The following OASL variants were observed in gnomAD, a reference collection of about 807,000 sequenced individuals.
OASL encodes 2'-5'-oligoadenylate synthase-like protein.
Under a neutral mutation model 35.3 loss-of-function variants are expected in OASL, and 28 were observed. That is an observed-to-expected ratio of 0.79 (90% confidence interval 0.59 to 1.09). The LOEUF (loss-of-function observed/expected upper bound fraction) is 1.09, where lower values mean the gene tolerates loss of function less well. Ranked by LOEUF, OASL falls within the 50% of genes least tolerant of loss-of-function variation. OASL has a pLI of 0.00. For missense variants in OASL, 620 were observed against 635.2 expected, an observed-to-expected ratio of 0.98 and a Z score of 0.26; for synonymous variants, 252 against 254.6, an observed-to-expected ratio of 0.99 and a Z score of 0.10.
At chr12:121,024,177 T>C in intron 4 of OASL, 40 bp from the exon 5 acceptor site, 2 of 1,598,088 alleles carry the variant, frequency 1.3e-6, no homozygotes, top group Non-Finnish European at 1.7e-6. Flanking sequence ...CATAATGGTT[T>C]GAAGGCCTTC....
At chr12:121,029,504 C>T (rs750488193) in intron 3 of OASL, among the ~76,000 whole-genome samples, 4 of 152,050 alleles carry the variant, frequency 2.6e-5, no homozygotes, top group African/African-American at 4.8e-5. Flanking sequence ...CTGGCTAACA[C>T]GGTGAAACCC....
At chr12:121,027,483 A>C (rs1869535959) in intron 4 of OASL, 93 bp downstream of exon 4, 1 of 1,559,854 alleles carries the variant, frequency 6.4e-7, no homozygotes, top group African/African-American at 1.4e-5. Flanking sequence ...CTTACTGCTT[A>C]ATACAGCCAA....
intron 5 of OASL, chr12:121,023,595 T>TG (rs1184558344): frequency 1.2e-5 from 2 of 162,450 alleles, no homozygotes; most frequent in African/African-American, 4.8e-5. Flanking sequence ...TGGCCGAGCG[T>TG]CGTGGTCATG....
intron 1 of OASL, among the ~76,000 whole-genome samples, chr12:121,036,630 A>G (rs962515997): frequency 1.3e-5 from 2 of 152,104 alleles, no homozygotes; most frequent in Non-Finnish European, 2.9e-5. Flanking sequence ...CTAAAAATGC[A>G]AAGATTAGCC....
Position 121,033,748 on chromosome 12 carries a change from A to G in OASL, c.199-5T>C, listed in dbSNP as rs769139293. The stretch of plus-strand genomic sequence containing the variant: ...GCCATTCCCGAAGGAGCCCACCTGC[A>G]GAACACAGAGCCCCGTCACCCTGAG... On this transcript the variant is annotated splice_polypyrimidine_tract_variant and splice_region_variant and intron_variant, in intron 1 of 5. Coordinates refer to ENST00000257570, the Ensembl canonical transcript of OASL. 6.2e-6 allele frequency: 10 copies of G among 1,610,678 alleles called. No homozygotes were observed. In the South Asian group the frequency reaches 7.7e-5, roughly 12 times the overall value.
chr12:121,022,240 C>T (rs1869273739), intron 5 of OASL, among the ~76,000 whole-genome samples: 1 of 152,150 alleles, frequency 6.6e-6, no homozygotes, highest in Non-Finnish European at 1.5e-5. Context: ...GCACATGCCA[C>T]CACACCCAGC....
chr12:121,036,467 G>A (rs1869961386), intron 1 of OASL, among the ~76,000 whole-genome samples: 1 of 152,138 alleles, frequency 6.6e-6, no homozygotes, highest in African/African-American at 2.4e-5. Context: ...TGAGGCTTAG[G>A]TAAATAGCAT....
intron 1 of OASL, among the ~76,000 whole-genome samples, chr12:121,035,500 G>C (rs1176244784): frequency 1.3e-5 from 2 of 148,692 alleles, no homozygotes; most frequent in Non-Finnish European, 1.5e-5. Flanking sequence ...ACTCCAGCCT[G>C]GGCGACACAG....
rs777493232 is a variant in OASL at position 121,027,570 on chromosome 12, C to T, written c.899+6G>A. 6.2e-7 allele frequency: 1 copy of T among 1,614,042 alleles called. No individual in the cohort carries two copies. The highest frequency in any genetic ancestry group is 8.5e-7 in the Non-Finnish European group (1 of 1,179,950). On this transcript the variant is annotated splice_donor_region_variant and intron_variant, in intron 4 of 5. Coordinates refer to ENST00000257570, the Ensembl canonical transcript of OASL. ...AAGATTTGGTGGGCAAACAGTGGTC[C>T]AGTACCTCTCTTTTTTGAGCTGTTT...
intron 3 of OASL, among the ~76,000 whole-genome samples, chr12:121,028,837 G>C (rs565875771): frequency 6.6e-6 from 1 of 152,104 alleles, no homozygotes; most frequent in South Asian, 2.1e-4. Context: ...GGCCGAGGCG[G>C]GTGGATCACT....
At position 121,020,916 on chromosome 12, in the gene OASL, A is replaced by G. The variant is rs1227788136; in HGVS notation, c.1190T>C (p.Phe397Ser). ...CTGCCTCTCACTGCCAGGAACCTGG[A>G]AGGACAGACGCTGCAGGCCAGAGTA... Residue 397 changes from phenylalanine to serine, a missense_variant, in exon 6 of 6, where the codon TTC becomes TCC. Physicochemically the swap from Phe to Ser is radical, Grantham distance 155. Coordinates refer to ENST00000257570, the Ensembl canonical transcript of OASL. 15 of 1,614,046 alleles carry G rather than the reference A, an allele frequency of 9.3e-6. No individual in the cohort carries two copies. In the Admixed American group the frequency reaches 2.5e-4, roughly 27 times the overall value.
At chr12:121,023,287 C>CTTTTTTTTTTTTTT (rs768266698) in intron 5 of OASL, among the ~76,000 whole-genome samples, 1 of 123,264 alleles carries the variant, frequency 8.1e-6, no homozygotes. Flanking sequence ...TTTTTTTTTT[C>CTTTTTTTTTTTTTT]TTTTTTTCTT....
At chr12:121,029,064 G>GAAAAAAA (rs10577200) in intron 3 of OASL, among the ~76,000 whole-genome samples, 1 of 105,092 alleles carries the variant, frequency 9.5e-6, no homozygotes, top group Non-Finnish European at 1.9e-5. Flanking sequence ...ACTTGTCTCA[G>GAAAAAAA]AAAAAAAAAA....
At chr12:121,035,577 T>C (rs893145078) in intron 1 of OASL, among the ~76,000 whole-genome samples, 2 of 150,680 alleles carry the variant, frequency 1.3e-5, no homozygotes, top group Admixed American at 6.6e-5. Flanking sequence ...TTGAGGTGGG[T>C]ACTAGGAGAA....
Position 121,028,617 on chromosome 12 carries a change from G to GC in OASL, c.658-801dup, listed in dbSNP as rs1306085541. ...GTGCCCTCACCAGTGCCTGAAACCCGCCCCCCCCGCCCGCCCCCCCTACTG... is the reference window on the plus strand; with the variant it reads ...GTGCCCTCACCAGTGCCTGAAACCCGCCCCCCCCCGCCCGCCCCCCCTACTG... On this transcript the variant is annotated intron_variant, in intron 3 of 5. Coordinates refer to ENST00000257570, the Ensembl canonical transcript of OASL. Among the ~76,000 whole-genome samples, 405 of 138,888 alleles carry GC rather than the reference G, an allele frequency of 2.9e-3. 3 individuals carry two copies. Among genetic ancestry groups the GC allele is most frequent in the African/African-American group, 5.7e-3 (211 of 36,994 alleles). The allele number at this position is 138,888 out of a possible 152,430, so 91.1% of individuals were successfully genotyped here. A position where few individuals can be genotyped will look rare whatever the true frequency, so the allele number is the denominator to read the frequency against.
chr12:121,020,562 T>G, exon 6 of OASL: 1 of 1,597,808 alleles, frequency 6.3e-7, no homozygotes, highest in Middle Eastern at 1.7e-4. Flanking sequence ...CAGAGAAAAC[T>G]AACTGGCTGG....
Position 121,020,766 on chromosome 12 carries a change from G to A in OASL, c.1340C>T (p.Ala447Val), listed in dbSNP as rs769960013. The change falls in exon 6 of 6, where the codon GCC (alanine) becomes GTC (valine). Residue 447 changes from alanine (A) to valine (V), a missense_variant. Physicochemically the swap from Ala to Val is moderately conservative, Grantham distance 64. Coordinates refer to ENST00000257570, the Ensembl canonical transcript of OASL. ...GAAGCTGTTGGGGTTGATGGCATAG[G>A]CGTAGCTCCCACCATCAGGATTCTT... 1.4e-5 allele frequency: 22 copies of A among 1,614,008 alleles called. No individual in the cohort carries two copies. The East Asian group carries it at 4.0e-4, about 29-fold the overall frequency.
chr12:121,034,614 A>G (rs889406978), intron 1 of OASL, among the ~76,000 whole-genome samples: 6 of 152,136 alleles, frequency 3.9e-5, no homozygotes, highest in African/African-American at 1.4e-4. Flanking sequence ...TGCCTGGTGG[A>G]TTTAAGAGCC....
chr12:121,034,095 GTGGGGTGCC>G (rs1869858056), intron 1 of OASL, among the ~76,000 whole-genome samples: 1 of 152,134 alleles, frequency 6.6e-6, no homozygotes, highest in African/African-American at 2.4e-5. Flanking sequence ...CAAGGGTTTG[GTGGGGTGCC>G]TGGCACACAG....
Sources: allele counts gnomAD v4.1 joint callset (sites outside exome capture counted in the v4.1 genomes callset), GRCh38; gene constraint gnomAD v4.1.1; transcripts MANE v1.5; gene names NCBI Gene and HGNC (gene_info 2026-07-23, HGNC 2026-07-21).